SGK1: variants seen among roughly 807,000 people sequenced by gnomAD.
SGK1 encodes serine/threonine-protein kinase Sgk1.
Under a neutral mutation model 64.2 loss-of-function variants are expected in SGK1, and 26 were observed. That is an observed-to-expected ratio of 0.40 (90% CI 0.30 to 0.56). SGK1 has a LOEUF of 0.56. Ranked by LOEUF, SGK1 falls within the 20% of genes least tolerant of loss-of-function variation. The pLI is 0.38. For synonymous variants in SGK1, 265 were observed against 239.7 expected, an observed-to-expected ratio of 1.11 and a Z score of -0.98; for missense variants, 519 against 645.6, an observed-to-expected ratio of 0.80 and a Z score of 2.12.
chr6:134,174,710 C>G, intron 3 of SGK1, 124 bp from the exon 4 acceptor site: 8 of 1,614,084 alleles, frequency 5.0e-6, no homozygotes, highest in Non-Finnish European at 6.8e-6. Context: ...GAGCAGAAGT[C>G]CCGCAAGATT....
chr6:134,242,084 C>A (rs1776456787), intron 2 of SGK1, among the ~76,000 whole-genome samples: 1 of 152,134 alleles, frequency 6.6e-6, no homozygotes, highest in South Asian at 2.1e-4. Flanking sequence ...AGGCCAGAGA[C>A]AAGTGAGGTT....
intron 1 of SGK1, chr6:134,297,579 T>G: frequency 2.0e-6 from 1 of 490,658 alleles, no homozygotes; most frequent in Non-Finnish European, 3.9e-6. Context: ...CTCGGCTCAC[T>G]GCAAGCTCCG....
Position 134,317,769 on chromosome 6 carries a change from G to C in SGK1, c.-309C>G. On this transcript the variant is annotated 5_prime_UTR_variant, in exon 1 of 14. Transcript: ENST00000367858. Reference sequence around the variant, plus strand: ...GGCCAATCTCCGGGGAGATGCTGTGGCTCTTACCGAGCGGGAGAAGGGTAC... The same window carrying C: ...GGCCAATCTCCGGGGAGATGCTGTGCCTCTTACCGAGCGGGAGAAGGGTAC... 1 of 299,568 alleles carries C rather than the reference G, an allele frequency of 3.3e-6. No homozygotes were observed. Among genetic ancestry groups the C allele is most frequent in the South Asian group, 8.6e-5 (1 of 11,662 alleles). The allele number at this position is 299,568 out of a possible 1,614,324, so 18.6% of individuals were successfully genotyped here.
chr6:134,265,302 A>T (rs2114752563), intron 1 of SGK1, among the ~76,000 whole-genome samples: 1 of 151,962 alleles, frequency 6.6e-6, no homozygotes, highest in East Asian at 1.9e-4. Flanking sequence ...TCTACAAAAA[A>T]CACAAAAATT....
intron 2 of SGK1, among the ~76,000 whole-genome samples, chr6:134,244,662 C>T (rs959200994): frequency 6.6e-6 from 1 of 152,192 alleles, no homozygotes; most frequent in Non-Finnish European, 1.5e-5. Flanking sequence ...CTAACCAGTA[C>T]CAGTGAGATG....
chr6:134,206,564 T>G (rs533563631), intron 3 of SGK1, among the ~76,000 whole-genome samples: 1 of 150,934 alleles, frequency 6.6e-6, no homozygotes, highest in East Asian at 2.0e-4. Context: ...AAAAGGACTT[T>G]TAGGGTAAAA....
At chr6:134,241,400 G>A (rs1776444698) in intron 2 of SGK1, among the ~76,000 whole-genome samples, 1 of 151,888 alleles carries the variant, frequency 6.6e-6, no homozygotes, top group Admixed American at 6.6e-5. Context: ...TGTTTTCCAG[G>A]CTGGTCTCAA....
chr6:134,243,135 C>G (rs1316078214), intron 2 of SGK1, among the ~76,000 whole-genome samples: 1 of 151,976 alleles, frequency 6.6e-6, no homozygotes, highest in Non-Finnish European at 1.5e-5. Context: ...ACCTATTTAG[C>G]TTATGCCTTT....
intron 1 of SGK1, among the ~76,000 whole-genome samples, chr6:134,316,735 C>T (rs1777690080): frequency 8.8e-6 from 1 of 113,174 alleles, no homozygotes; most frequent in African/African-American, 3.4e-5. Context: ...CCTCCCACTG[C>T]TCTCTCCCAA....
At chr6:134,183,928 T>G (rs1775377202) in intron 3 of SGK1, among the ~76,000 whole-genome samples, 1 of 144,976 alleles carries the variant, frequency 6.9e-6, no homozygotes, top group Non-Finnish European at 1.5e-5. Flanking sequence ...TCTCAGGTGT[T>G]TCTCTGGACC....
chr6:134,286,747 G>A (rs1430527262), intron 1 of SGK1, among the ~76,000 whole-genome samples: 2 of 152,016 alleles, frequency 1.3e-5, no homozygotes, highest in African/African-American at 4.8e-5. Flanking sequence ...GATTACAGGC[G>A]TGAGCCACTG....
intron 3 of SGK1, among the ~76,000 whole-genome samples, chr6:134,203,522 A>T (rs897274154): frequency 1.3e-5 from 2 of 152,216 alleles, no homozygotes; most frequent in African/African-American, 4.8e-5. Flanking sequence ...AACAGAGATC[A>T]TTAGATAGGA....
intron 1 of SGK1, among the ~76,000 whole-genome samples, chr6:134,267,593 AG>A (rs754962933): frequency 6.6e-6 from 1 of 152,148 alleles, no homozygotes. Context: ...ACACCTGGCC[AG>A]AATAAAATTA....
intron 1 of SGK1, chr6:134,297,210 C>G: frequency 2.2e-6 from 2 of 891,718 alleles, no homozygotes. Flanking sequence ...ATTCTGTATC[C>G]CAGACTCCAG....
intron 3 of SGK1, among the ~76,000 whole-genome samples, chr6:134,206,383 ATTT>A (rs869072819): frequency 2.2e-3 from 36 of 16,602 alleles, no homozygotes; most frequent in East Asian, 8.0e-3. Context: ...ATATATATAT[ATTT>A]TTTTTTTTTT....
intron 3 of SGK1, among the ~76,000 whole-genome samples, chr6:134,199,106 T>C (rs1199142200): frequency 6.6e-6 from 1 of 152,038 alleles, no homozygotes; most frequent in South Asian, 2.1e-4. Flanking sequence ...AGCTAAATGA[T>C]GAGAACTTAG....
chr6:134,194,215 A>G (rs933014249), intron 3 of SGK1, among the ~76,000 whole-genome samples: 2 of 150,334 alleles, frequency 1.3e-5, no homozygotes, highest in African/African-American at 4.9e-5. Flanking sequence ...TGCTATATAT[A>G]TTTTTGTTAC....
At chr6:134,241,052 T>TC (rs1460602517) in intron 2 of SGK1, among the ~76,000 whole-genome samples, 8 of 28,070 alleles carry the variant, frequency 2.9e-4, no homozygotes, top group Non-Finnish European at 6.4e-4. Flanking sequence ...TTTTTTCTTT[T>TC]TTTTTTTTTT....
At chr6:134,230,354 C>G (rs936464388) in intron 2 of SGK1, 5 of 152,150 alleles carry the variant, frequency 3.3e-5, no homozygotes, top group African/African-American at 7.2e-5. Context: ...TAAAGAACAG[C>G]CTGAGACTGG....
Sources: allele counts gnomAD v4.1 joint callset (sites outside exome capture counted in the v4.1 genomes callset), GRCh38; gene constraint gnomAD v4.1.1; transcripts MANE v1.5; gene names NCBI Gene and HGNC (gene_info 2026-07-23, HGNC 2026-07-21).